SKA2: variants seen among roughly 807,000 people sequenced by gnomAD.
SKA2 encodes the protein spindle and kinetochore-associated protein 2.
A neutral mutation model predicts 16.9 loss-of-function variants in SKA2; 13 were observed. That is an observed-to-expected ratio of 0.77 (90% CI 0.50 to 1.22). SKA2 has a LOEUF of 1.22. SKA2 is among the 50% of genes most tolerant of loss of function. The pLI is 0.00. For synonymous variants in SKA2, 47 were observed against 48.5 expected (o/e 0.97, Z 0.13); for missense variants, 107 against 139.7 (o/e 0.77, Z 1.18).
intron 2 of SKA2, among the ~76,000 whole-genome samples, chr17:59,126,629 C>T (rs1368709699): frequency 6.6e-6 from 1 of 152,134 alleles, no homozygotes; most frequent in African/African-American, 2.4e-5. Flanking sequence ...TGGCTTTATT[C>T]TCAACTATAA....
intron 2 of SKA2, among the ~76,000 whole-genome samples, chr17:59,126,881 T>G (rs1334794648): frequency 6.6e-6 from 1 of 152,118 alleles, no homozygotes; most frequent in Non-Finnish European, 1.5e-5. Context: ...CATTAACAGA[T>G]GAATCGATAA....
intron 2 of SKA2, among the ~76,000 whole-genome samples, chr17:59,123,807 C>G (rs891743560): frequency 1.3e-5 from 2 of 149,370 alleles, no homozygotes; most frequent in African/African-American, 5.1e-5. Flanking sequence ...TATTTTCTCT[C>G]AATCTCTGAG....
chr17:59,138,976 G>C (rs1425791513), intron 1 of SKA2, among the ~76,000 whole-genome samples: 1 of 152,118 alleles, frequency 6.6e-6, no homozygotes, highest in Non-Finnish European at 1.5e-5. Flanking sequence ...CCTCTTATGA[G>C]AGACCTTATC....
Position 59,112,245 on chromosome 17 carries a change from T to C in SKA2, c.*32A>G. On this transcript the variant is annotated 3_prime_UTR_variant, in exon 4 of 4. Transcript: ENST00000330137. ...AAATTTCTCCGGAATTAAGCTCTTC[T>C]CTGTTAGAATTTCCTTTCCAAGTCC... The C allele has an allele frequency of 1.3e-6, 2 of 1,558,538 alleles. No homozygotes were observed. Among genetic ancestry groups the C allele is most frequent in the Non-Finnish European group, 1.8e-6 (2 of 1,137,420 alleles).
At position 59,119,371 on chromosome 17, in the gene SKA2, A is replaced by C. The variant is rs1056347315; in HGVS notation, c.245T>G (p.Val82Gly). The C allele has an allele frequency of 6.2e-7, 1 of 1,613,978 alleles. No homozygotes were observed. Among genetic ancestry groups the C allele is most frequent in the South Asian group, 1.1e-5 (1 of 91,086 alleles). ...KESKSRICAT[V>G]KKTMNMIQKL... Reference sequence around the variant, plus strand: ...TTGTATCATATTCATAGTCTTTTTCACAGTAGCACAAATGCGGCTCTTACT... The same window carrying C: ...TTGTATCATATTCATAGTCTTTTTCCCAGTAGCACAAATGCGGCTCTTACT... Residue 82 changes from valine to glycine, a missense_variant, in exon 3 of 4, where the codon GTG becomes GGG. Coordinates refer to ENST00000330137, the MANE Select transcript of SKA2 (RefSeq NM_182620.4).
intron 3 of SKA2, among the ~76,000 whole-genome samples, chr17:59,116,103 G>A (rs1045136999): frequency 1.3e-5 from 2 of 152,056 alleles, no homozygotes; most frequent in Admixed American, 6.6e-5. Context: ...GGGCACGGAG[G>A]CTCACACCTA....
At chr17:59,123,329 C>T (rs2046349385) in intron 2 of SKA2, among the ~76,000 whole-genome samples, 1 of 140,752 alleles carries the variant, frequency 7.1e-6, no homozygotes, top group Admixed American at 7.6e-5. Flanking sequence ...GAAGCTGAAG[C>T]GGGTGGATCA....
At chr17:59,130,457 CAAAAAAAAAAA>C (rs569934567) in intron 2 of SKA2, among the ~76,000 whole-genome samples, 1 of 70,394 alleles carries the variant, frequency 1.4e-5, no homozygotes, top group Non-Finnish European at 3.1e-5. Context: ...ACTAAAAATA[CAAAAAAAAAAA>C]AAAAAAAAAA....
chr17:59,141,103 A>T (rs1426975698), intron 1 of SKA2, among the ~76,000 whole-genome samples: 2 of 152,030 alleles, frequency 1.3e-5, no homozygotes, highest in African/African-American at 4.8e-5. Flanking sequence ...AGCCTTAAAT[A>T]ATTTATGTAA....
At chr17:59,117,769 C>T (rs1267024113) in intron 3 of SKA2, among the ~76,000 whole-genome samples, 1 of 152,040 alleles carries the variant, frequency 6.6e-6, no homozygotes, top group Non-Finnish European at 1.5e-5. Flanking sequence ...TCACTATATC[C>T]AACATTTCCC....
At chr17:59,141,597 G>A (rs1599675448) in intron 1 of SKA2, among the ~76,000 whole-genome samples, 1 of 151,882 alleles carries the variant, frequency 6.6e-6, no homozygotes, top group African/African-American at 2.4e-5. Flanking sequence ...CCAGTGTGGT[G>A]GCATGCACCT....
intron 1 of SKA2, among the ~76,000 whole-genome samples, chr17:59,135,030 T>G (rs2046434667): frequency 6.6e-6 from 1 of 152,050 alleles, no homozygotes; most frequent in Non-Finnish European, 1.5e-5. Context: ...AGACGGGGTT[T>G]CACCATATTG....
intron 1 of SKA2, among the ~76,000 whole-genome samples, chr17:59,143,974 G>A (rs914493634): frequency 4.6e-5 from 7 of 152,018 alleles, no homozygotes; most frequent in Non-Finnish European, 1.0e-4. Context: ...CGGCCAACAT[G>A]GTGAAACCCT....
intron 1 of SKA2, among the ~76,000 whole-genome samples, chr17:59,139,804 C>T (rs1382436347): frequency 1.3e-5 from 2 of 152,202 alleles, no homozygotes; most frequent in Non-Finnish European, 2.9e-5. Context: ...TGGTTTCAAA[C>T]ATCTTCCTGG....
At chr17:59,155,012 C>T (rs1760677733) in intron 1 of SKA2, 119 bp downstream of exon 1, 2 of 1,613,878 alleles carry the variant, frequency 1.2e-6, no homozygotes, top group Admixed American at 1.7e-5. Context: ...GAGGAGGGAA[C>T]TCGACTCTGG....
chr17:59,130,359 C>T (rs2147805981), intron 2 of SKA2, among the ~76,000 whole-genome samples: 1 of 151,092 alleles, frequency 6.6e-6, no homozygotes, highest in East Asian at 1.9e-4. Flanking sequence ...TGCCTGTAAT[C>T]CCAACACCTT....
At chr17:59,124,356 C>G (rs2333445) in intron 2 of SKA2, 45,501 of 151,338 alleles carry the variant, frequency 0.3, 7,662 homozygotes, top group Middle Eastern at 0.47. Flanking sequence ...CACCTGAGCC[C>G]AGGAGGTCAA....
intron 3 of SKA2, among the ~76,000 whole-genome samples, chr17:59,113,613 C>A (rs2046277640): frequency 6.6e-6 from 1 of 151,848 alleles, no homozygotes; most frequent in Admixed American, 6.6e-5. Flanking sequence ...CACCTGAGGT[C>A]AGGAGTTTGA....
At chr17:59,125,330 T>C (rs1051964421) in intron 2 of SKA2, among the ~76,000 whole-genome samples, 1 of 151,872 alleles carries the variant, frequency 6.6e-6, no homozygotes, top group African/African-American at 2.4e-5. Flanking sequence ...TTGTAAACTG[T>C]GCTGCACTTT....
Sources: gnomAD v4.1 joint callset for allele counts (sites outside exome capture counted in the v4.1 genomes callset) on GRCh38, gnomAD v4.1.1 for gene constraint, MANE v1.5 for transcripts, NCBI Gene and HGNC (gene_info 2026-07-23, HGNC 2026-07-21) for gene names.